Variants in CCL24 observed in about 807,000 individuals in gnomAD.
CCL24 encodes C-C motif chemokine 24.
CCL24 carries 6 observed loss-of-function variants against 8.6 expected under a neutral mutation model. That is an observed-to-expected ratio of 0.70 (90% CI 0.38 to 1.38). The LOEUF is 1.38. Ranked by LOEUF, CCL24 falls within the 40% of genes most tolerant of loss-of-function variation. The pLI is 0.02. For synonymous variants in CCL24, 59 were observed against 52.7 expected (o/e 1.12, Z -0.52); for missense variants, 126 against 147.1 (o/e 0.86, Z 0.74).
upstream of CCL24, among the ~76,000 whole-genome samples, chr7:75,815,952 CCTA>C (rs1434883981): frequency 1.3e-5 from 2 of 152,158 alleles, no homozygotes; most frequent in Admixed American, 1.3e-4. Flanking sequence ...CCAACCCCTC[CCTA>C]CGGTTCTCTC....
intron 1 of CCL24, among the ~76,000 whole-genome samples, chr7:75,821,012 AG>A (rs2115816373): frequency 6.6e-6 from 1 of 152,270 alleles, no homozygotes; most frequent in African/African-American, 2.4e-5. Context: ...AGGCATACCA[AG>A]AAAAACTATA....
In CCL24 at chr7:75,813,677, G is replaced by T; in HGVS notation, c.39C>A (p.Phe13Leu). The T allele has an allele frequency of 6.2e-7, 1 of 1,614,058 alleles. No individual in the cohort carries two copies. Among genetic ancestry groups the T allele is most frequent in the South Asian group, 1.1e-5 (1 of 91,052 alleles). ...GLMTIVTSLLFLGVCAHHIIP... is the reference protein window; with the variant it reads ...GLMTIVTSLLLLGVCAHHIIP... ...TGATGTGGTGGGCACAGACACCAAG[G>T]AACAGAAGGCTGGTTACTATGGTCA... The change falls in exon 1 of 3, where the codon TTC becomes TTA. Residue 13 changes from phenylalanine (F) to leucine (L), a missense_variant. By Grantham distance (22) the Phe-to-Leu change is conservative. Coordinates refer to ENST00000222902, the MANE Select transcript of CCL24 (RefSeq NM_002991.3).
chr7:75,811,963 A>G lies in CCL24; in HGVS notation c.193T>C (p.Phe65Leu). 1 of 1,610,016 alleles carries G rather than the reference A, an allele frequency of 6.2e-7. No homozygotes were observed. Among genetic ancestry groups the G allele is most frequent in the Non-Finnish European group, 8.5e-7 (1 of 1,179,210 alleles). The change falls in exon 3 of 3, where the codon TTC (phenylalanine) becomes CTC (leucine). Residue 65 changes from phenylalanine to leucine, a missense_variant and splice_region_variant. Transcript: ENST00000222902. Reference sequence around the variant, plus strand: ...AACTGCTGGCCCTTCTTGGTGGTGAAGCTGTGGAAGAAAGGGACAGGGGAT... The same window carrying G: ...AACTGCTGGCCCTTCTTGGTGGTGAGGCTGTGGAAGAAAGGGACAGGGGAT... Reference protein sequence around the residue: ...RSTCLKAGVIFTTKKGQQFCG... With the variant: ...RSTCLKAGVILTTKKGQQFCG...
intron 1 of CCL24, among the ~76,000 whole-genome samples, chr7:75,819,178 G>T (rs1803957349): frequency 7.2e-6 from 1 of 138,330 alleles, no homozygotes; most frequent in Non-Finnish European, 1.5e-5. Flanking sequence ...TGAGGCACAA[G>T]AATCTCTTGA....
At chr7:75,819,444 G>A (rs1803978813) in intron 1 of CCL24, among the ~76,000 whole-genome samples, 1 of 147,726 alleles carries the variant, frequency 6.8e-6, no homozygotes, top group Admixed American at 6.8e-5. Flanking sequence ...AGGCAACATA[G>A]TGAAACCTCA....
intron 2 of CCL24, among the ~76,000 whole-genome samples, 181 bp downstream of exon 2, chr7:75,813,125 A>G (rs1803810269): frequency 6.6e-6 from 1 of 152,144 alleles, no homozygotes; most frequent in African/African-American, 2.4e-5. Flanking sequence ...GAAAAATGAA[A>G]TTAAAAAAAT....
upstream of CCL24, among the ~76,000 whole-genome samples, chr7:75,818,315 C>T (rs1554534453): frequency 4.0e-5 from 6 of 151,828 alleles, no homozygotes; most frequent in East Asian, 1.9e-4. Flanking sequence ...GGCGTGGTGG[C>T]ACGCACCTGT....
upstream of CCL24, among the ~76,000 whole-genome samples, chr7:75,818,017 G>A (rs1265537191): frequency 2.6e-5 from 4 of 151,386 alleles, no homozygotes; most frequent in African/African-American, 9.7e-5. Context: ...TTTTAGTGGA[G>A]GCGGGGTTTC....
At position 75,810,845 on chromosome 7, in the gene CCL24, CATTTT is replaced by C. The variant is rs1803739190; in HGVS notation, c.*946_*950del. Among the ~76,000 whole-genome samples the C allele has an allele frequency of 6.6e-6, 1 of 150,912 alleles. No individual in the cohort carries two copies. The highest frequency in any genetic ancestry group is 1.5e-5 in the Non-Finnish European group (1 of 67,780). ...CAACCTTCAAAGAAAAAAAGAATCG[CATTTT>C]ATTTGGCCTATTATTTGAGAACAGC... On this transcript the variant is annotated 3_prime_UTR_variant, in exon 3 of 3. Coordinates refer to ENST00000222902, the MANE Select transcript of CCL24 (RefSeq NM_002991.3).
intron 1 of CCL24, among the ~76,000 whole-genome samples, chr7:75,822,071 T>C (rs1474152360): frequency 6.6e-6 from 1 of 151,228 alleles, no homozygotes; most frequent in Non-Finnish European, 1.5e-5. Flanking sequence ...CATTGCACTC[T>C]AGCCTGGGTG....
chr7:75,814,014 C>T (rs1343632996), upstream of CCL24, among the ~76,000 whole-genome samples: 1 of 152,136 alleles, frequency 6.6e-6, no homozygotes, highest in Non-Finnish European at 1.5e-5. Flanking sequence ...AGGCCAAGTT[C>T]AAAGGTGTTG....
chr7:75,823,035 C>G (rs782324995), intron 1 of CCL24, among the ~76,000 whole-genome samples: 5 of 152,156 alleles, frequency 3.3e-5, no homozygotes, highest in African/African-American at 4.8e-5. Context: ...CCGATCCACC[C>G]CTTACTTTAG....
At chr7:75,814,418 T>C (rs1309213476), upstream of CCL24, among the ~76,000 whole-genome samples, 1 of 151,962 alleles carries the variant, frequency 6.6e-6, no homozygotes, top group Admixed American at 6.6e-5. Flanking sequence ...ATAAAAAAAT[T>C]AGCCAGGCGT....
intron 2 of CCL24, among the ~76,000 whole-genome samples, chr7:75,812,860 G>T (rs1306696905): frequency 6.6e-6 from 1 of 152,030 alleles, no homozygotes; most frequent in Non-Finnish European, 1.5e-5. Context: ...AACCTGGGAG[G>T]CGGAGGTTGC....
At chr7:75,812,427 G>A (rs1182123416) in intron 2 of CCL24, among the ~76,000 whole-genome samples, 6 of 152,054 alleles carry the variant, frequency 3.9e-5, no homozygotes, top group Non-Finnish European at 8.8e-5. Flanking sequence ...TTTACAAAAT[G>A]AGTTCACAGT....
At chr7:75,812,317 C>G (rs553532439) in intron 2 of CCL24, among the ~76,000 whole-genome samples, 1 of 152,090 alleles carries the variant, frequency 6.6e-6, no homozygotes, top group African/African-American at 2.4e-5. Context: ...AAACTCCTGG[C>G]CTTAAGCAAC....
rs1399483709 is a variant in CCL24, at chr7:75,811,546, T to C, written c.*250A>G. ...GGAGAAGGCAAAGAGTTGCCACTGC[T>C]CTCCTTCTGGGATCTTCTCACCCAG... On this transcript the variant is annotated 3_prime_UTR_variant, in exon 3 of 3. Transcript: ENST00000222902. 4 of 387,186 alleles carry C rather than the reference T, an allele frequency of 1.0e-5. No homozygotes were observed. The highest frequency in any genetic ancestry group is 1.4e-5 in the Non-Finnish European group (3 of 217,862). The allele number at this position is 387,186 out of a possible 1,614,324, so 24.0% of individuals were successfully genotyped here. A position where few individuals can be genotyped will look rare whatever the true frequency, so the allele number is the denominator to read the frequency against.
In CCL24 at chr7:75,811,549, CCTT is replaced by C. The variant is rs1803760113; in HGVS notation, c.*244_*246del. The stretch of plus-strand genomic sequence containing the variant: ...GAAGGCAAAGAGTTGCCACTGCTCT[CCTT>C]CTGGGATCTTCTCACCCAGCTCCAG... On this transcript the variant is annotated 3_prime_UTR_variant, in exon 3 of 3. Coordinates refer to ENST00000222902, the MANE Select transcript of CCL24 (RefSeq NM_002991.3). The C allele has an allele frequency of 2.5e-6, 1 of 406,508 alleles. No individual in the cohort carries two copies. Among genetic ancestry groups the C allele is most frequent in the South Asian group, 5.9e-5 (1 of 16,962 alleles). The allele number at this position is 406,508 out of a possible 1,614,324, so 25.2% of individuals were successfully genotyped here. A position where few individuals can be genotyped will look rare whatever the true frequency, so the allele number is the denominator to read the frequency against.
intron 1 of CCL24, among the ~76,000 whole-genome samples, chr7:75,820,433 G>A (rs1554534934): frequency 6.6e-6 from 1 of 152,074 alleles, no homozygotes; most frequent in East Asian, 1.9e-4. Context: ...TGCCAGCCTT[G>A]GCCTCCCAAA....
Sources: allele counts gnomAD v4.1 joint callset (sites outside exome capture counted in the v4.1 genomes callset), GRCh38; gene constraint gnomAD v4.1.1; transcripts MANE v1.5; gene names NCBI Gene and HGNC (gene_info 2026-07-23, HGNC 2026-07-21).